The following RASGRP4 variants were observed in gnomAD, a reference collection of about 807,000 sequenced individuals.
The protein encoded by RASGRP4 is RAS guanyl releasing protein 4, also known as RAS guanyl-releasing protein 4.
A neutral mutation model predicts 84.4 loss-of-function variants in RASGRP4; 52 were observed. That is an observed-to-expected ratio of 0.62 (90% CI 0.49 to 0.78). RASGRP4 has a LOEUF of 0.78. Ranked by LOEUF, RASGRP4 falls within the 30% of genes least tolerant of loss-of-function variation. The pLI, the probability that RASGRP4 is intolerant of heterozygous loss-of-function variation, is 0.00. For synonymous variants in RASGRP4, 356 were observed against 359.1 expected, an observed-to-expected ratio of 0.99 and a Z score of 0.10; for missense variants, 760 against 886.9, an observed-to-expected ratio of 0.86 and a Z score of 1.82.
chr19:38,409,721 G>C lies in RASGRP4; in HGVS notation c.*319C>G, dbSNP rs1971141380. On this transcript the variant is annotated 3_prime_UTR_variant, in exon 17 of 17. Coordinates refer to ENST00000615439, the MANE Select transcript of RASGRP4 (RefSeq NM_170604.3). ...TCATTGCACTCCAGCCTGGGTGACA[G>C]AGCAAGACTCTGTCTCAAAAAAAAA... 1 of 187,198 alleles carries C rather than the reference G, an allele frequency of 5.3e-6. No homozygotes were observed. The allele number at this position is 187,198 out of a possible 1,614,324, so 11.6% of individuals were successfully genotyped here.
chr19:38,424,575 A>T (rs2145249361), intron 1 of RASGRP4, among the ~76,000 whole-genome samples: 1 of 134,750 alleles, frequency 7.4e-6, no homozygotes, highest in South Asian at 2.7e-4. Flanking sequence ...GTGCACGACC[A>T]TACCCAGCTA....
Position 38,418,516 on chromosome 19 carries a change from G to A in RASGRP4, c.712C>T (p.Pro238Ser). Reference protein sequence around the residue: ...YVLQGSVRGCPALEGSVGLSN... With the variant: ...YVLQGSVRGCSALEGSVGLSN... ...AGACCTACGGAGCCCTCCAGGGCCGGGCAGCCTCGTACTGAGCCCTGCAAA... is the reference window on the plus strand; with the variant it reads ...AGACCTACGGAGCCCTCCAGGGCCGAGCAGCCTCGTACTGAGCCCTGCAAA... The change falls in exon 7 of 17, where the codon CCG becomes TCG. Residue 238 changes from proline (P) to serine (S), a missense_variant. Coordinates refer to ENST00000615439, the MANE Select transcript of RASGRP4 (RefSeq NM_170604.3). The surrounding 1 kb of genome is among the most constrained non-coding windows in gnomAD (Gnocchi z 4.6). 1.3e-6 allele frequency: 2 copies of A among 1,554,172 alleles called. No individual in the cohort carries two copies. The highest frequency in any genetic ancestry group is 3.9e-5 in the Admixed American group (2 of 51,264).
chr19:38,421,292 A>G (rs1448584145), intron 2 of RASGRP4, 92 bp from the exon 3 acceptor site: 6 of 890,644 alleles, frequency 6.7e-6, no homozygotes, highest in Non-Finnish European at 1.1e-5. Flanking sequence ...TGGTTCAAAG[A>G]CCAGCTCTAA....
chr19:38,416,548 A>G (rs1971511076), intron 8 of RASGRP4, among the ~76,000 whole-genome samples: 1 of 151,902 alleles, frequency 6.6e-6, no homozygotes, highest in Admixed American at 6.6e-5. Context: ...CCTGGGCTAA[A>G]GTGATCCTCC....
intron 1 of RASGRP4, among the ~76,000 whole-genome samples, chr19:38,424,974 A>G (rs1971927094): frequency 6.6e-6 from 1 of 152,036 alleles, no homozygotes; most frequent in South Asian, 2.1e-4. Flanking sequence ...TCACGAGGTC[A>G]AGAGATCGAG....
chr19:38,410,594 G>A (rs751513647), intron 16 of RASGRP4, among the ~76,000 whole-genome samples: 2 of 151,888 alleles, frequency 1.3e-5, no homozygotes, highest in African/African-American at 2.4e-5. Flanking sequence ...TGTATTTTTA[G>A]TAGAGATAGG....
intron 16 of RASGRP4, 40 bp downstream of exon 16, chr19:38,410,845 TC>T (rs1193774503): frequency 7.2e-7 from 1 of 1,387,044 alleles, no homozygotes; most frequent in South Asian, 1.2e-5. Flanking sequence ...ATGGCCTGTG[TC>T]CCCTGTATCC....
intron 8 of RASGRP4, among the ~76,000 whole-genome samples, chr19:38,416,084 G>C (rs1429150968): frequency 6.6e-6 from 1 of 150,758 alleles, no homozygotes; most frequent in Non-Finnish European, 1.5e-5. Context: ...AAAGGCTGAG[G>C]GGGAGGCTCC....
Position 38,411,187 on chromosome 19 carries a change from G to A in RASGRP4, c.1780C>T (p.Pro594Ser), listed in dbSNP as rs1453705883. Residue 594 changes from proline to serine, a missense_variant, in exon 15 of 17, where the codon CCA becomes TCA. Coordinates refer to ENST00000615439, the MANE Select transcript of RASGRP4 (RefSeq NM_170604.3). The part of the protein sequence containing the change: ...DQVKVECKKR[P>S]GAKGDAGPPG... ...GGTCCTGCATCGCCCTTGGCCCCTG[G>A]CCTCTTCTTACATTCTACCTTCACC... is the stretch of plus-strand genomic sequence containing the variant. The A allele has an allele frequency of 2.5e-6, 4 of 1,613,946 alleles. No homozygotes were observed. Among genetic ancestry groups the A allele is most frequent in the East Asian group, 4.5e-5 (2 of 44,886 alleles).
chr19:38,410,273 C>T (rs867282636), intron 16 of RASGRP4, among the ~76,000 whole-genome samples, 177 bp from the exon 17 acceptor site: 6 of 152,076 alleles, frequency 3.9e-5, no homozygotes, highest in East Asian at 1.9e-4. Flanking sequence ...CAAATAGTGG[C>T]GTTTACTCCA....
intron 13 of RASGRP4, chr19:38,411,756 A>G (rs1971266801): frequency 5.6e-6 from 1 of 178,122 alleles, no homozygotes; most frequent in South Asian, 1.6e-4. Flanking sequence ...CTCAGATATT[A>G]GATTTAGGTA....
chr19:38,420,041 G>C, intron 5 of RASGRP4, 28 bp from the exon 6 acceptor site: 1 of 1,612,082 alleles, frequency 6.2e-7, no homozygotes, highest in Non-Finnish European at 8.5e-7. Flanking sequence ...CAGGGTATTG[G>C]AGTGGCTCAC....
chr19:38,424,858 C>G (rs998813385), intron 1 of RASGRP4, among the ~76,000 whole-genome samples: 4 of 152,118 alleles, frequency 2.6e-5, no homozygotes, highest in Non-Finnish European at 5.9e-5. Flanking sequence ...GATATCAATA[C>G]AGATTCTCAG....
rs190970921 is a variant in RASGRP4 at position 38,421,123 on chromosome 19, C to T, written c.286G>A (p.Ala96Thr). ...GTCAGCAGGCGGGCAGCCAGGTCGG[C>T]GGACGGCAGCACCCAGCTGTGCATG... ...LAMHSWVLPS[A>T]DLAARLLTSY... The change falls in exon 3 of 17, where the codon GCC (alanine) becomes ACC (threonine). Residue 96 changes from alanine (A) to threonine (T), a missense_variant. By Grantham distance (58) the Ala-to-Thr change is moderately conservative. Coordinates refer to ENST00000615439, the MANE Select transcript of RASGRP4 (RefSeq NM_170604.3). The T allele has an allele frequency of 2.3e-4, 370 of 1,613,750 alleles. No homozygotes were observed. In the African/African-American group the frequency reaches 3.9e-3, roughly 17 times the overall value.
At chr19:38,423,542 A>T (rs1389637184) in intron 1 of RASGRP4, among the ~76,000 whole-genome samples, 1 of 146,586 alleles carries the variant, frequency 6.8e-6, no homozygotes, top group Non-Finnish European at 1.5e-5. Flanking sequence ...ATAATAAAAA[A>T]ATTAAAAAGA....
Position 38,418,619 on chromosome 19 carries a change from A to G in RASGRP4, c.664-55T>C. On this transcript the variant is annotated intron_variant, in intron 6 of 16. Coordinates refer to ENST00000615439, the MANE Select transcript of RASGRP4 (RefSeq NM_170604.3). This position sits in a 1 kb window ranked among gnomAD's most constrained non-coding sequence, Gnocchi z 4.6. ...CGTGGCGCTCAGGCCCTGCCCTTCC[A>G]TGGCATCCAACTAGCAGTCACGATC... 7.0e-7 allele frequency: 1 copy of G among 1,430,094 alleles called. No homozygotes were observed. Among genetic ancestry groups the G allele is most frequent in the Middle Eastern group, 2.6e-4 (1 of 3,874 alleles). 88.6% of individuals were successfully genotyped at this position (1,430,094 alleles called of 1,614,324 possible). A position where few individuals can be genotyped will look rare whatever the true frequency, so the allele number is the denominator to read the frequency against.
rs776102602 is a variant in RASGRP4 at position 38,414,960 on chromosome 19, C to T, written c.1118G>A (p.Arg373His). Reference protein sequence around the residue: ...EAQPDRLPDGRLHLPKLNNLY... With the variant: ...EAQPDRLPDGHLHLPKLNNLY... ...GTTGTTCAGCTTGGGTAGGTGCAGG[C>T]GGCCGTCAGGCAACCTGTCGGGCTG... Residue 373 changes from arginine to histidine, a missense_variant, in exon 9 of 17, where the codon CGC becomes CAC. By Grantham distance (29) the Arg-to-His change is conservative. Coordinates refer to ENST00000615439, the MANE Select transcript of RASGRP4 (RefSeq NM_170604.3). 3.1e-6 allele frequency: 5 copies of T among 1,613,190 alleles called. No individual in the cohort carries two copies. Among genetic ancestry groups the T allele is most frequent in the Admixed American group, 3.3e-5 (2 of 59,918 alleles).
chr19:38,418,034 G>A lies in RASGRP4; in HGVS notation c.837+357C>T, dbSNP rs1777375834. Among the ~76,000 whole-genome samples, 1 of 152,124 alleles carries A rather than the reference G, an allele frequency of 6.6e-6. No individual in the cohort carries two copies. The highest frequency in any genetic ancestry group is 2.1e-4 in the South Asian group (1 of 4,832). ...GGGGAGCGATGCACAATCCCGAAGCGACCGCTGGGGCCTGGGGACTGGGGA... is the reference window on the plus strand; with the variant it reads ...GGGGAGCGATGCACAATCCCGAAGCAACCGCTGGGGCCTGGGGACTGGGGA... On this transcript the variant is annotated intron_variant, in intron 7 of 16. Coordinates refer to ENST00000615439, the MANE Select transcript of RASGRP4 (RefSeq NM_170604.3). The surrounding 1 kb of genome is among the most constrained non-coding windows in gnomAD (Gnocchi z 4.6).
intron 1 of RASGRP4, 97 bp downstream of exon 1, chr19:38,425,972 C>T: frequency 9.1e-7 from 1 of 1,100,522 alleles, no homozygotes; most frequent in Non-Finnish European, 1.2e-6. Context: ...CCAAAGAAGT[C>T]AGGAATCCTG....
Sources: gnomAD v4.1 joint callset for allele counts (sites outside exome capture counted in the v4.1 genomes callset) on GRCh38, gnomAD v4.1.1 for gene constraint, Gnocchi (gnomAD v3.1) non-coding constraint, MANE v1.5 for transcripts, NCBI Gene and HGNC (gene_info 2026-07-23, HGNC 2026-07-21) for gene names.